The following CCDC50 variants were observed in gnomAD, a reference collection of about 807,000 sequenced individuals.
CCDC50 encodes the protein coiled-coil domain-containing protein 50.
In CCDC50, 54 loss-of-function variants were observed where a neutral mutation model predicts 70.2. That is an observed-to-expected ratio of 0.77 (90% CI 0.62 to 0.96). The LOEUF (loss-of-function observed/expected upper bound fraction) is 0.96, where lower values mean the gene tolerates loss of function less well. Among genes scored for constraint, CCDC50 ranks in the 50% least tolerant of loss-of-function variants. The pLI, the probability that CCDC50 is intolerant of heterozygous loss-of-function variation, is 0.00. For missense variants in CCDC50, 558 were observed against 578.7 expected, an observed-to-expected ratio of 0.96 and a Z score of 0.37; for synonymous variants, 216 against 198.8, an observed-to-expected ratio of 1.09 and a Z score of -0.73.
At chr3:191,390,321 T>C (rs1028586733) in intron 11 of CCDC50, among the ~76,000 whole-genome samples, 1 of 144,946 alleles carries the variant, frequency 6.9e-6, no homozygotes, top group African/African-American at 2.5e-5. Context: ...GAACAAAGCA[T>C]AAAGAAAAAA....
chr3:191,389,853 CTTTTTTTT>C (rs10635756), intron 11 of CCDC50, among the ~76,000 whole-genome samples: 72 of 84,638 alleles, frequency 8.5e-4, no homozygotes, highest in African/African-American at 3.1e-3. Context: ...ATCAAATTCA[CTTTTTTTT>C]TTTTTTTTTT....
At chr3:191,345,383 C>T (rs149944459) in intron 1 of CCDC50, among the ~76,000 whole-genome samples, 124 of 152,228 alleles carry the variant, frequency 8.1e-4, no homozygotes, top group African/African-American at 2.8e-3. Context: ...TATCTGTGTT[C>T]GACAGTTTAA....
chr3:191,388,187 A>G (rs1415409655), intron 10 of CCDC50, among the ~76,000 whole-genome samples: 1 of 152,124 alleles, frequency 6.6e-6, no homozygotes, highest in Non-Finnish European at 1.5e-5. Context: ...ATTTGAAAGT[A>G]TAAGTACAAT....
intron 1 of CCDC50, among the ~76,000 whole-genome samples, chr3:191,341,391 A>G (rs1285126489): frequency 6.6e-6 from 1 of 152,208 alleles, no homozygotes; most frequent in Non-Finnish European, 1.5e-5. Flanking sequence ...CCTGAGGTTC[A>G]AAGAAATTAA....
intron 5 of CCDC50, among the ~76,000 whole-genome samples, chr3:191,371,700 A>C (rs1050270923): frequency 6.6e-6 from 1 of 152,210 alleles, no homozygotes; most frequent in Non-Finnish European, 1.5e-5. Context: ...TTTAGTAAGC[A>C]GGCTGATTCA....
At chr3:191,329,945 G>A (rs1483330710) in intron 1 of CCDC50, among the ~76,000 whole-genome samples, 2 of 61,916 alleles carry the variant, frequency 3.2e-5, no homozygotes, top group Admixed American at 1.8e-4. Flanking sequence ...GGGTGGTTGG[G>A]GGGGGGGGGG....
At chr3:191,357,038 A>T (rs1221155166) in intron 1 of CCDC50, 50 bp from the exon 2 acceptor site, 2 of 1,151,920 alleles carry the variant, frequency 1.7e-6, no homozygotes, top group Admixed American at 1.7e-5. Flanking sequence ...TTTGTATGTT[A>T]AAGTATTACT....
chr3:191,342,640 T>G (rs1711772109), intron 1 of CCDC50, among the ~76,000 whole-genome samples: 1 of 152,168 alleles, frequency 6.6e-6, no homozygotes, highest in South Asian at 2.1e-4. Context: ...ATGGGTGGCT[T>G]TTCTTTCTAG....
rs143027395 is a variant in CCDC50, at chr3:191,392,130, T to G, written c.*370T>G. 301 of 202,292 alleles carry G rather than the reference T, an allele frequency of 1.5e-3. 3 individuals carry two copies. The East Asian group carries it at 0.028, about 19-fold the overall frequency. 12.5% of individuals were successfully genotyped at this position (202,292 alleles called of 1,614,324 possible). Reference sequence around the variant, plus strand: ...TGAATGATCAAAGTGAAACAATGTTTGGATGCAACGCAGAATAAAAGAATA... The same window carrying G: ...TGAATGATCAAAGTGAAACAATGTTGGGATGCAACGCAGAATAAAAGAATA... On this transcript the variant is annotated 3_prime_UTR_variant, in exon 12 of 12. Transcript: ENST00000392455.
chr3:191,385,218 GT>G (rs1201162173), intron 10 of CCDC50, among the ~76,000 whole-genome samples: 1 of 152,144 alleles, frequency 6.6e-6, no homozygotes, highest in Non-Finnish European at 1.5e-5. Flanking sequence ...TCTATTTTTA[GT>G]TCTTTGAGAA....
intron 4 of CCDC50, among the ~76,000 whole-genome samples, chr3:191,366,616 T>A (rs9290986): frequency 0.32 from 48,255 of 151,882 alleles, 7,683 homozygotes; most frequent in Non-Finnish European, 0.33. Flanking sequence ...TTTTTTAAAA[T>A]GTGAACAGAA....
Position 191,395,918 on chromosome 3 carries a change from C to G in CCDC50, c.*4158C>G, listed in dbSNP as rs990442666. ...TAGAATACTTTTTTTCTTTTTAGCC[C>G]ATGATAAGTAATATGGGCAGGTAGA... is the stretch of plus-strand genomic sequence containing the variant. On this transcript the variant is annotated 3_prime_UTR_variant, in exon 12 of 12. Coordinates refer to ENST00000392455, the MANE Select transcript of CCDC50 (RefSeq NM_178335.3). 6.6e-6 allele frequency: 1 copy of G among 151,988 alleles called. No individual in the cohort carries two copies. The highest frequency in any genetic ancestry group is 2.4e-5 in the African/African-American group (1 of 41,392). 9.4% of individuals were successfully genotyped at this position (151,988 alleles called of 1,614,324 possible). A position where few individuals can be genotyped will look rare whatever the true frequency, so the allele number is the denominator to read the frequency against.
At chr3:191,344,355 C>T (rs1311099201) in intron 1 of CCDC50, among the ~76,000 whole-genome samples, 2 of 152,152 alleles carry the variant, frequency 1.3e-5, no homozygotes, top group African/African-American at 4.8e-5. Flanking sequence ...GAATAGTAGC[C>T]ACCAGCCCCA....
intron 5 of CCDC50, among the ~76,000 whole-genome samples, chr3:191,372,093 GT>G (rs1444182765): frequency 6.6e-6 from 1 of 152,090 alleles, no homozygotes; most frequent in Non-Finnish European, 1.5e-5. Context: ...ACTCAAACCT[GT>G]TTTTTTGATC....
intron 1 of CCDC50, among the ~76,000 whole-genome samples, chr3:191,334,003 T>A: frequency 6.6e-6 from 1 of 152,290 alleles, no homozygotes; most frequent in East Asian, 1.9e-4. Context: ...GAATAGAATT[T>A]TAGTAAAATT....
intron 4 of CCDC50, among the ~76,000 whole-genome samples, chr3:191,368,406 G>A (rs1208289088): frequency 1.3e-5 from 2 of 152,110 alleles, no homozygotes; most frequent in Admixed American, 6.6e-5. Context: ...GTATATATGT[G>A]TCAGTTAAAA....
chr3:191,337,889 A>G (rs1230600953), intron 1 of CCDC50, among the ~76,000 whole-genome samples: 2 of 152,040 alleles, frequency 1.3e-5, no homozygotes, highest in African/African-American at 4.8e-5. Flanking sequence ...ATTTGTGTGA[A>G]TGAAGTATCA....
intron 1 of CCDC50, among the ~76,000 whole-genome samples, chr3:191,338,855 A>G (rs954657348): frequency 6.6e-6 from 1 of 152,230 alleles, no homozygotes; most frequent in Admixed American, 6.5e-5. Flanking sequence ...TTTAAGGATT[A>G]ATTTTAATTA....
intron 1 of CCDC50, among the ~76,000 whole-genome samples, chr3:191,345,953 C>T (rs1289369259): frequency 1.3e-5 from 2 of 152,156 alleles, no homozygotes; most frequent in Non-Finnish European, 2.9e-5. Context: ...TAAGTTGCCA[C>T]GTGATAACTG....
Sources: allele counts gnomAD v4.1 joint callset (sites outside exome capture counted in the v4.1 genomes callset), GRCh38; gene constraint gnomAD v4.1.1; transcripts MANE v1.5; gene names NCBI Gene and HGNC (gene_info 2026-07-23, HGNC 2026-07-21).